GBF1: variants seen among roughly 807,000 people sequenced by gnomAD.
GBF1 encodes the protein Golgi-specific brefeldin A-resistance guanine nucleotide exchange factor 1.
In GBF1, 114 loss-of-function variants were observed where a neutral mutation model predicts 210.5. That is an observed-to-expected ratio of 0.54 (90% CI 0.47 to 0.63). GBF1 has a LOEUF of 0.63. Ranked by LOEUF, GBF1 falls within the 30% of genes least tolerant of loss-of-function variation. The pLI, the probability that GBF1 is intolerant of heterozygous loss-of-function variation, is 0.00. For synonymous variants in GBF1, 850 were observed against 889.2 expected (o/e 0.96, Z 0.78); for missense variants, 1,851 against 2,357.7 (o/e 0.79, Z 4.45).
chr10:102,285,816 T>C (rs2075885283), intron 3 of GBF1, among the ~76,000 whole-genome samples: 1 of 152,162 alleles, frequency 6.6e-6, no homozygotes, highest in East Asian at 1.9e-4. Flanking sequence ...TCCTTCTTTT[T>C]TTTTCTTTGA....
intron 3 of GBF1, among the ~76,000 whole-genome samples, chr10:102,325,300 G>A (rs1008894320): frequency 6.6e-6 from 1 of 152,168 alleles, no homozygotes; most frequent in African/African-American, 2.4e-5. Context: ...TGTAATCCCA[G>A]CACTTTGGGA....
intron 3 of GBF1, among the ~76,000 whole-genome samples, chr10:102,315,369 G>A (rs1180355454): frequency 6.6e-6 from 1 of 152,162 alleles, no homozygotes; most frequent in Non-Finnish European, 1.5e-5. Context: ...TCATAGGAGT[G>A]TGAACCCTAT....
At position 102,288,735 on chromosome 10, in the gene GBF1, A is replaced by C. The variant is rs964474972; in HGVS notation, c.163+28619A>C. Reference sequence around the variant, plus strand: ...TCCGTCTCAAAGGAAAAAAAAAAAAACAAAAAAAAAAAACGAAATTACTTG... The same window carrying C: ...TCCGTCTCAAAGGAAAAAAAAAAAACCAAAAAAAAAAAACGAAATTACTTG... On this transcript the variant is annotated intron_variant, in intron 3 of 39. Transcript: ENST00000369983. Among the ~76,000 whole-genome samples, 15 of 144,404 alleles carry C rather than the reference A, an allele frequency of 1.0e-4. 1 individual carries two copies. The highest frequency in any genetic ancestry group is 6.4e-4 in the East Asian group (3 of 4,668). 94.7% of individuals were successfully genotyped at this position (144,404 alleles called of 152,430 possible). A position where few individuals can be genotyped will look rare whatever the true frequency, so the allele number is the denominator to read the frequency against.
chr10:102,360,561 C>T (rs1207424250), intron 12 of GBF1, among the ~76,000 whole-genome samples, 166 bp downstream of exon 12: 1 of 152,188 alleles, frequency 6.6e-6, no homozygotes, highest in Admixed American at 6.5e-5. Context: ...GGGACTCTGG[C>T]AGCCAGAGAG....
intron 3 of GBF1, among the ~76,000 whole-genome samples, chr10:102,269,113 T>A (rs1448640564): frequency 6.6e-6 from 1 of 152,232 alleles, no homozygotes; most frequent in Non-Finnish European, 1.5e-5. Context: ...TGGGTTCTCA[T>A]GGCATGTCTC....
At chr10:102,275,407 C>T (rs1196692516) in intron 3 of GBF1, among the ~76,000 whole-genome samples, 1 of 152,152 alleles carries the variant, frequency 6.6e-6, no homozygotes, top group East Asian at 1.9e-4. Flanking sequence ...AGAGAAAGCA[C>T]CTAGAAGTAG....
At chr10:102,231,126 C>T in the GBF1 span, 1 of 1,506,078 alleles carries the variant, frequency 6.6e-7, no homozygotes, top group Non-Finnish European at 8.8e-7. Context: ...GAAAGGCGGT[C>T]AGGGCCCGGG....
intron 3 of GBF1, among the ~76,000 whole-genome samples, chr10:102,339,953 AT>A (rs398014644): frequency 1.5e-3 from 197 of 129,226 alleles, no homozygotes; most frequent in Middle Eastern, 4.1e-3. Context: ...TACCTGGTTA[AT>A]TTTTTTTTTT....
At chr10:102,335,916 G>A (rs570957668) in intron 3 of GBF1, among the ~76,000 whole-genome samples, 4 of 152,002 alleles carry the variant, frequency 2.6e-5, no homozygotes, top group Non-Finnish European at 5.9e-5. Flanking sequence ...TCAACCACCC[G>A]TTATCTCAGT....
chr10:102,374,347 CA>C (rs55750901), intron 29 of GBF1, among the ~76,000 whole-genome samples: 18 of 144,886 alleles, frequency 1.2e-4, no homozygotes, highest in Admixed American at 2.7e-4. Context: ...GACTCCATCT[CA>C]AAAAAAAAAA....
the GBF1 span, among the ~76,000 whole-genome samples, chr10:102,232,358 T>C: frequency 2.6e-5 from 4 of 152,108 alleles, no homozygotes; most frequent in Non-Finnish European, 4.4e-5. Context: ...AGGTATACAG[T>C]TGGGGTTCAA....
chr10:102,359,609 C>T (rs1212142513), intron 11 of GBF1, among the ~76,000 whole-genome samples, 174 bp downstream of exon 11: 2 of 152,022 alleles, frequency 1.3e-5, no homozygotes, highest in African/African-American at 4.8e-5. Context: ...TGGAGGGAGC[C>T]CTTCCCTAAC....
At chr10:102,324,246 C>T (rs1047801667) in intron 3 of GBF1, among the ~76,000 whole-genome samples, 1 of 152,192 alleles carries the variant, frequency 6.6e-6, no homozygotes, top group African/African-American at 2.4e-5. Context: ...AGTCTTTTCT[C>T]ACACACTATG....
At chr10:102,323,407 A>G (rs924844743) in intron 3 of GBF1, among the ~76,000 whole-genome samples, 4 of 152,122 alleles carry the variant, frequency 2.6e-5, no homozygotes, top group Admixed American at 1.3e-4. Context: ...TGGAGGAGGA[A>G]CATGTGAGGG....
At chr10:102,300,291 G>A (rs1320513689) in intron 3 of GBF1, among the ~76,000 whole-genome samples, 1 of 152,164 alleles carries the variant, frequency 6.6e-6, no homozygotes, top group Non-Finnish European at 1.5e-5. Context: ...CTTGGAAGAT[G>A]GTAGCTGTTC....
chr10:102,331,942 C>A (rs893421589), intron 3 of GBF1, among the ~76,000 whole-genome samples: 6 of 147,796 alleles, frequency 4.1e-5, no homozygotes, highest in African/African-American at 7.5e-5. Flanking sequence ...TCACTGCAAC[C>A]TTTGCCTCCT....
At chr10:102,338,042 T>G (rs2057890313) in intron 3 of GBF1, among the ~76,000 whole-genome samples, 1 of 152,060 alleles carries the variant, frequency 6.6e-6, no homozygotes, top group Non-Finnish European at 1.5e-5. Context: ...TTAAGGAAAG[T>G]TAACTTTATA....
intron 3 of GBF1, among the ~76,000 whole-genome samples, chr10:102,264,369 G>GA (rs2073617477): frequency 6.6e-6 from 1 of 152,094 alleles, no homozygotes; most frequent in South Asian, 2.1e-4. Flanking sequence ...GGAAGCACAT[G>GA]GCTTTTATAT....
chr10:102,360,874 C>T (rs1179712659), intron 12 of GBF1, 148 bp from the exon 13 acceptor site: 1 of 624,850 alleles, frequency 1.6e-6, no homozygotes, highest in Non-Finnish European at 2.9e-6. Flanking sequence ...TCTTGGGAGG[C>T]TGAGGAAGGA....
Sources: gnomAD v4.1 joint callset for allele counts (sites outside exome capture counted in the v4.1 genomes callset) on GRCh38, gnomAD v4.1.1 for gene constraint, MANE v1.5 for transcripts, NCBI Gene and HGNC (gene_info 2026-07-23, HGNC 2026-07-21) for gene names.